The following SLC6A3 variants were observed in gnomAD, a reference collection of about 807,000 sequenced individuals.
SLC6A3 encodes the protein solute carrier family 6 member 3.
Under a neutral mutation model 70.4 loss-of-function variants are expected in SLC6A3, and 19 were observed. That is an observed-to-expected ratio of 0.27 (90% CI 0.19 to 0.40). The LOEUF (loss-of-function observed/expected upper bound fraction) is 0.40, where lower values mean the gene tolerates loss of function less well. SLC6A3 is among the 10% of genes least tolerant of loss of function. The pLI, the probability that SLC6A3 is intolerant of heterozygous loss-of-function variation, is 1.00. For missense variants in SLC6A3, 613 were observed against 838.5 expected (o/e 0.73, Z 3.32); for synonymous variants, 368 against 356.6 (o/e 1.03, Z -0.36).
At chr5:1,409,657 G>T in intron 10 of SLC6A3, 64 bp downstream of exon 10, 1 of 1,600,434 alleles carries the variant, frequency 6.2e-7, no homozygotes, top group Non-Finnish European at 8.5e-7. Context: ...CCCAGCCAGG[G>T]CGCCCCGTGC....
In SLC6A3 at chr5:1,437,531, C is replaced by A. The variant is rs891588210; in HGVS notation, c.418+3828G>T. Among the ~76,000 whole-genome samples the A allele has an allele frequency of 3.9e-5, 6 of 152,162 alleles. No homozygotes were observed. Among genetic ancestry groups the A allele is most frequent in the Non-Finnish European group, 7.4e-5 (5 of 68,014 alleles). On this transcript the variant is annotated intron_variant, in intron 3 of 14. Transcript: ENST00000270349. This position sits in a 1 kb window ranked among gnomAD's most constrained non-coding sequence, Gnocchi z 4.8. ...GTTTTAAAGACCCACCTCTCAGGAC[C>A]CTGGGGTGCACTGCGGGGCTGAAGG...
At chr5:1,444,179 T>G (rs760937975) in intron 1 of SLC6A3, among the ~76,000 whole-genome samples, 3 of 152,168 alleles carry the variant, frequency 2.0e-5, no homozygotes, top group Non-Finnish European at 2.9e-5. Flanking sequence ...TGGACAGGGC[T>G]TCATCGCGGG....
chr5:1,396,654 A>G lies in SLC6A3; in HGVS notation c.1840-1896T>C, dbSNP rs1266245406. On this transcript the variant is annotated intron_variant, in intron 14 of 14. Coordinates refer to ENST00000270349, the MANE Select transcript of SLC6A3 (RefSeq NM_001044.5). The surrounding 1 kb of genome is among the most constrained non-coding windows in gnomAD (Gnocchi z 7.0). ...CGAGCACATCCCGCTGTGAATGAGG[A>G]GGCTGGGGAGAGATCCGCCGACAGG... Among the ~76,000 whole-genome samples the G allele has an allele frequency of 6.6e-6, 1 of 151,996 alleles. No homozygotes were observed. The highest frequency in any genetic ancestry group is 2.4e-5 in the African/African-American group (1 of 41,414).
Position 1,401,594 on chromosome 5 carries a change from AC to A in SLC6A3, c.1768-609del, listed in dbSNP as rs1447590577. 6.6e-6 allele frequency among the ~76,000 whole-genome samples: 1 copy of A among 151,826 alleles called. No individual in the cohort carries two copies. Among genetic ancestry groups the A allele is most frequent in the Non-Finnish European group, 1.5e-5 (1 of 67,954 alleles). ...TGAGGCCAGGTGACCTCTCACAGGG[AC>A]CCCTGTGCGTGGCCCCACCCCACGT... On this transcript the variant is annotated intron_variant, in intron 13 of 14. Transcript: ENST00000270349. The surrounding 1 kb of genome is among the most constrained non-coding windows in gnomAD (Gnocchi z 6.1).
rs2126333355 is a variant in SLC6A3 at position 1,406,734 on chromosome 5, C to T, written c.1499-446G>A. 6.7e-6 allele frequency among the ~76,000 whole-genome samples: 1 copy of T among 149,506 alleles called. No individual in the cohort carries two copies. Among genetic ancestry groups the T allele is most frequent in the Admixed American group, 6.7e-5 (1 of 15,014 alleles). ...CATTCACATACTGTGTAACCGTCAC[C>T]ACCGTCCATCTTCAGAACTCCATCC... On this transcript the variant is annotated intron_variant, in intron 11 of 14. Coordinates refer to ENST00000270349, the MANE Select transcript of SLC6A3 (RefSeq NM_001044.5). This position sits in a 1 kb window ranked among gnomAD's most constrained non-coding sequence, Gnocchi z 8.8.
In SLC6A3 at chr5:1,416,138, C is replaced by G. The variant is rs1756285412; in HGVS notation, c.991G>C (p.Ala331Pro). The G allele has an allele frequency of 6.2e-7, 1 of 1,613,992 alleles. No homozygotes were observed. The highest frequency in any genetic ancestry group is 8.5e-7 in the Non-Finnish European group (1 of 1,179,980). ...GTGAACTTGTTGTAGCTGGAGAAGGCGATCAGCACCCCGAACCCCACGCCC... is the reference window on the plus strand; with the variant it reads ...GTGAACTTGTTGTAGCTGGAGAAGGGGATCAGCACCCCGAACCCCACGCCC... ...SLGVGFGVLI[A>P]FSSYNKFTNN... is the part of the protein sequence containing the mutation. Residue 331 changes from alanine to proline, a missense_variant, in exon 7 of 15, where the codon GCC (alanine) becomes CCC (proline). Coordinates refer to ENST00000270349, the MANE Select transcript of SLC6A3 (RefSeq NM_001044.5).
intron 8 of SLC6A3, among the ~76,000 whole-genome samples, chr5:1,414,093 C>G (rs1756193824): frequency 1.3e-5 from 2 of 152,272 alleles, no homozygotes; most frequent in Admixed American, 1.3e-4. Flanking sequence ...CCCCAGGGAT[C>G]TCCCGGCTGC....
At chr5:1,440,353 T>G (rs1303544045) in intron 3 of SLC6A3, among the ~76,000 whole-genome samples, 1 of 151,952 alleles carries the variant, frequency 6.6e-6, no homozygotes. Flanking sequence ...AATGGATGGA[T>G]GGATGGATGG....
At position 1,406,856 on chromosome 5, in the gene SLC6A3, T is replaced by C. The variant is rs1755994826; in HGVS notation, c.1499-568A>G. 6.7e-6 allele frequency among the ~76,000 whole-genome samples: 1 copy of C among 149,244 alleles called. No homozygotes were observed. The highest frequency in any genetic ancestry group is 1.5e-5 in the Non-Finnish European group (1 of 65,964). ...CATCTGCTTTTTGTCTCAATGAATG[T>C]GACTCCTGTGGGAACCTCCCGTCAG... On this transcript the variant is annotated intron_variant, in intron 11 of 14. Transcript: ENST00000270349. The surrounding 1 kb of genome is among the most constrained non-coding windows in gnomAD (Gnocchi z 8.8).
intron 3 of SLC6A3, among the ~76,000 whole-genome samples, chr5:1,435,170 T>A (rs1273142105): frequency 4.6e-5 from 7 of 152,248 alleles, no homozygotes; most frequent in Non-Finnish European, 1.5e-5. Flanking sequence ...TAAATAATTC[T>A]ATATTACCGT....
rs955288790 is a variant in SLC6A3 at position 1,442,618 on chromosome 5, A to G, written c.286+294T>C. Among the ~76,000 whole-genome samples, 5 of 152,046 alleles carry G rather than the reference A, an allele frequency of 3.3e-5. No individual in the cohort carries two copies. The highest frequency in any genetic ancestry group is 7.4e-5 in the Non-Finnish European group (5 of 68,010). ...TTTCCAAAGCGAAGATAGCCTCTGG[A>G]AACAGGAGGCAGAGCCAAGCTGCCC... On this transcript the variant is annotated intron_variant, in intron 2 of 14. Coordinates refer to ENST00000270349, the MANE Select transcript of SLC6A3 (RefSeq NM_001044.5). This position sits in a 1 kb window ranked among gnomAD's most constrained non-coding sequence, Gnocchi z 5.0.
chr5:1,407,868 G>A (rs973224527), intron 11 of SLC6A3, among the ~76,000 whole-genome samples: 6 of 152,192 alleles, frequency 3.9e-5, no homozygotes, highest in East Asian at 1.9e-4. Flanking sequence ...AAGTCAGGGC[G>A]TTTATCTGGC....
chr5:1,419,854 C>T (rs567536392), intron 6 of SLC6A3, among the ~76,000 whole-genome samples: 1 of 151,618 alleles, frequency 6.6e-6, no homozygotes, highest in South Asian at 2.1e-4. Flanking sequence ...TCTCTCACTG[C>T]ACCTGTCAGC....
rs765211329 is a variant in SLC6A3 at position 1,409,733 on chromosome 5, G to A, written c.1386C>T (p.Phe462=). ...CGATGGTACGTACGTTGGTGACGCAGAACAGGGACAGGAGGAAGGTCGCCA... is the reference window on the plus strand; with the variant it reads ...CGATGGTACGTACGTTGGTGACGCAAAACAGGGACAGGAGGAAGGTCGCCA... ...IVLATFLLSL[F]CVTNGGIYVF... is the part of the protein sequence containing the mutation. The change falls in exon 10 of 15, where the codon TTC becomes TTT. Residue 462 remains phenylalanine, a synonymous_variant. Coordinates refer to ENST00000270349, the MANE Select transcript of SLC6A3 (RefSeq NM_001044.5). 5.0e-6 allele frequency: 8 copies of A among 1,613,370 alleles called. No individual in the cohort carries two copies. The Admixed American group carries it at 8.3e-5, about 17-fold the overall frequency.
Position 1,421,462 on chromosome 5 carries a change from C to T in SLC6A3, c.792+414G>A, listed in dbSNP as rs1229103849. On this transcript the variant is annotated intron_variant, in intron 5 of 14. Transcript: ENST00000270349. This position sits in a 1 kb window ranked among gnomAD's most constrained non-coding sequence, Gnocchi z 7.2. ...AAAGTATTTTTATCAACAAAAAAAT[C>T]ATCTTGTGTGTGCCTTCCTGCCAGA... Among the ~76,000 whole-genome samples, 2 of 152,144 alleles carry T rather than the reference C, an allele frequency of 1.3e-5. No homozygotes were observed. The highest frequency in any genetic ancestry group is 2.9e-5 in the Non-Finnish European group (2 of 68,016).
Position 1,394,476 on chromosome 5 carries a change from C to A in SLC6A3, c.*259G>T. 1 of 601,140 alleles carries A rather than the reference C, an allele frequency of 1.7e-6. No homozygotes were observed. Among genetic ancestry groups the A allele is most frequent in the South Asian group, 2.0e-5 (1 of 50,938 alleles). 37.2% of individuals were successfully genotyped at this position (601,140 alleles called of 1,614,324 possible). A position where few individuals can be genotyped will look rare whatever the true frequency, so the allele number is the denominator to read the frequency against. The stretch of plus-strand genomic sequence containing the variant: ...TGAAGTTAGACGTTTTTCTGCCCTG[C>A]AGGGACAACAACGGGGTGGACCTCG... On this transcript the variant is annotated 3_prime_UTR_variant, in exon 15 of 15. Coordinates refer to ENST00000270349, the MANE Select transcript of SLC6A3 (RefSeq NM_001044.5). The surrounding 1 kb of genome is among the most constrained non-coding windows in gnomAD (Gnocchi z 4.7).
In SLC6A3 at chr5:1,402,588, G is replaced by A. The variant is rs186271743; in HGVS notation, c.1767+334C>T. 3.9e-5 allele frequency among the ~76,000 whole-genome samples: 6 copies of A among 152,188 alleles called. No individual in the cohort carries two copies. The highest frequency in any genetic ancestry group is 6.5e-5 in the Admixed American group (1 of 15,300). ...AGCACAGACCCAGGCCCACACACAC[G>A]TGCACACGGAGACAGCACATACAGA... On this transcript the variant is annotated intron_variant, in intron 13 of 14. Coordinates refer to ENST00000270349, the MANE Select transcript of SLC6A3 (RefSeq NM_001044.5). This position sits in a 1 kb window ranked among gnomAD's most constrained non-coding sequence, Gnocchi z 8.5.
chr5:1,407,169 G>T (rs548361555), intron 11 of SLC6A3, among the ~76,000 whole-genome samples: 5 of 152,184 alleles, frequency 3.3e-5, no homozygotes, highest in Admixed American at 6.5e-5. Flanking sequence ...CCTTAAGAGT[G>T]GTTTCTCCCC....
In SLC6A3 at chr5:1,401,866, C is replaced by T. The variant is rs1415184091; in HGVS notation, c.1768-880G>A. Among the ~76,000 whole-genome samples the T allele has an allele frequency of 6.6e-6, 1 of 152,230 alleles. No individual in the cohort carries two copies. Among genetic ancestry groups the T allele is most frequent in the Non-Finnish European group, 1.5e-5 (1 of 68,036 alleles). ...CCTGTGCTGGGTCCTGGCAGGTCAGCCCGTGGGGGTCTGAGAGGGACTGTC... is the reference window on the plus strand; with the variant it reads ...CCTGTGCTGGGTCCTGGCAGGTCAGTCCGTGGGGGTCTGAGAGGGACTGTC... On this transcript the variant is annotated intron_variant, in intron 13 of 14. Coordinates refer to ENST00000270349, the MANE Select transcript of SLC6A3 (RefSeq NM_001044.5). The surrounding 1 kb of genome is among the most constrained non-coding windows in gnomAD (Gnocchi z 6.1).
Sources: gnomAD v4.1 joint callset for allele counts (sites outside exome capture counted in the v4.1 genomes callset) on GRCh38, gnomAD v4.1.1 for gene constraint, Gnocchi (gnomAD v3.1) non-coding constraint, MANE v1.5 for transcripts, NCBI Gene and HGNC (gene_info 2026-07-23, HGNC 2026-07-21) for gene names.